NR6A1: variants seen among roughly 807,000 people sequenced by gnomAD.
NR6A1 encodes nuclear receptor subfamily 6 group A member 1, also known as retinoic acid receptor-related testis-associated receptor.
Under a neutral mutation model 59.1 loss-of-function variants are expected in NR6A1, and 7 were observed. The observed-to-expected ratio is 0.12, with a 90% confidence interval of 0.07 to 0.22. NR6A1 has a LOEUF of 0.22. NR6A1 is among the 10% of genes least tolerant of loss of function. NR6A1 has a pLI of 1.00. For missense variants in NR6A1, 468 were observed against 611.6 expected, an observed-to-expected ratio of 0.77 and a Z score of 2.48; for synonymous variants, 243 against 236.1, an observed-to-expected ratio of 1.03 and a Z score of -0.27.
At position 124,621,784 on chromosome 9, in the gene NR6A1, G is replaced by A. The variant is rs537850465; in HGVS notation, c.143-67214C>T. Among the ~76,000 whole-genome samples, 3 of 152,276 alleles carry A rather than the reference G, an allele frequency of 2.0e-5. No individual in the cohort carries two copies. In the East Asian group the frequency reaches 5.8e-4, roughly 29 times the overall value. On this transcript the variant is annotated intron_variant, in intron 2 of 9. Coordinates refer to ENST00000487099, the MANE Select transcript of NR6A1 (RefSeq NM_033334.4). Reference sequence around the variant, plus strand: ...TTTCATTTTGTACAGAAAAACTGAAGAGAAATGACAAGAGATAAAACCTAA... The same window carrying A: ...TTTCATTTTGTACAGAAAAACTGAAAAGAAATGACAAGAGATAAAACCTAA...
intron 2 of NR6A1, among the ~76,000 whole-genome samples, chr9:124,706,443 A>C (rs529033141): frequency 4.5e-4 from 69 of 152,310 alleles, no homozygotes; most frequent in South Asian, 2.5e-3. Context: ...ACTCACAATA[A>C]ATTCTGTCTT....
chr9:124,545,792 T>A (rs1007654698), intron 3 of NR6A1, among the ~76,000 whole-genome samples: 1 of 152,236 alleles, frequency 6.6e-6, no homozygotes, highest in African/African-American at 2.4e-5. Context: ...CTTAAAGATT[T>A]ACATCTTGCC....
chr9:124,538,027 C>T (rs926845119), intron 6 of NR6A1, 65 bp downstream of exon 6: 18 of 1,364,422 alleles, frequency 1.3e-5, no homozygotes, highest in East Asian at 2.3e-5. Context: ...GCCAGGGACG[C>T]GAGTGGGTGT....
chr9:124,698,685 T>C (rs1011841162), intron 2 of NR6A1: 8 of 152,186 alleles, frequency 5.3e-5, no homozygotes, highest in African/African-American at 1.7e-4. Flanking sequence ...CTAGCACAAT[T>C]ATATTTATAA....
At chr9:124,612,395 C>T (rs1835774143) in intron 2 of NR6A1, among the ~76,000 whole-genome samples, 1 of 152,188 alleles carries the variant, frequency 6.6e-6, no homozygotes, top group African/African-American at 2.4e-5. Context: ...AGTTCCAGGA[C>T]TGAGAGGAGA....
At chr9:124,573,877 T>G (rs990023357) in intron 2 of NR6A1, among the ~76,000 whole-genome samples, 2 of 152,192 alleles carry the variant, frequency 1.3e-5, no homozygotes, top group Admixed American at 6.5e-5. Context: ...GATAAAACTT[T>G]GGAAGCAAAT....
intron 2 of NR6A1, among the ~76,000 whole-genome samples, chr9:124,615,519 T>C (rs1158721701): frequency 6.6e-6 from 1 of 152,180 alleles, no homozygotes; most frequent in Admixed American, 6.5e-5. Context: ...AGCAACACAA[T>C]ATTTATTTCA....
intron 2 of NR6A1, among the ~76,000 whole-genome samples, chr9:124,592,927 A>G (rs1037840484): frequency 3.9e-5 from 6 of 152,236 alleles, no homozygotes; most frequent in Non-Finnish European, 8.8e-5. Context: ...TACCTAATGA[A>G]TTAATGCCTT....
intron 6 of NR6A1, among the ~76,000 whole-genome samples, chr9:124,537,315 G>A (rs557062522): frequency 3.3e-5 from 5 of 152,210 alleles, no homozygotes; most frequent in East Asian, 1.9e-4. Context: ...TCTGGAACTC[G>A]TGACCTGGTG....
At chr9:124,578,904 C>A (rs983364613) in intron 2 of NR6A1, among the ~76,000 whole-genome samples, 1 of 152,178 alleles carries the variant, frequency 6.6e-6, no homozygotes, top group African/African-American at 2.4e-5. Flanking sequence ...CAATTTATAT[C>A]TAGGGAGAGG....
At chr9:124,682,744 T>C (rs1564235069) in intron 2 of NR6A1, among the ~76,000 whole-genome samples, 1 of 152,222 alleles carries the variant, frequency 6.6e-6, no homozygotes, top group African/African-American at 2.4e-5. Context: ...TTTTTATGAA[T>C]GTAAGGGGGT....
At chr9:124,670,981 A>T (rs530454541) in intron 2 of NR6A1, among the ~76,000 whole-genome samples, 2 of 152,342 alleles carry the variant, frequency 1.3e-5, no homozygotes, top group East Asian at 3.9e-4. Context: ...AACATAAGTG[A>T]ATTTTGAGGA....
chr9:124,565,648 C>T (rs1834219002), intron 2 of NR6A1, among the ~76,000 whole-genome samples: 1 of 151,986 alleles, frequency 6.6e-6, no homozygotes, highest in Non-Finnish European at 1.5e-5. Context: ...AAAGGCAACC[C>T]AGTAGAAAAA....
rs1452802060 is a variant in NR6A1 at position 124,524,915 on chromosome 9, G to T, written c.1202-42C>A. ...AACACACACACACATACAGGGAATG[G>T]GATGGGCATTCTAATGTGGAAGAAA... On this transcript the variant is annotated intron_variant, in intron 8 of 9. Transcript: ENST00000487099. 3 of 1,553,834 alleles carry T rather than the reference G, an allele frequency of 1.9e-6. No individual in the cohort carries two copies. The South Asian group carries it at 3.7e-5, about 19-fold the overall frequency.
intron 2 of NR6A1, among the ~76,000 whole-genome samples, chr9:124,715,789 G>A (rs1016611606): frequency 1.3e-5 from 2 of 152,164 alleles, no homozygotes; most frequent in Admixed American, 6.5e-5. Context: ...ACTTCTATCT[G>A]ATTTCAAGAT....
At chr9:124,658,050 T>C (rs1251720421) in intron 2 of NR6A1, among the ~76,000 whole-genome samples, 1 of 152,182 alleles carries the variant, frequency 6.6e-6, no homozygotes, top group Non-Finnish European at 1.5e-5. Flanking sequence ...TGGTTTCAGT[T>C]AGAGCCAAGT....
At chr9:124,599,083 G>A in intron 2 of NR6A1, 2 of 716,600 alleles carry the variant, frequency 2.8e-6, no homozygotes, top group East Asian at 2.6e-5. Context: ...CGTCACCAGT[G>A]CCTCGCTCGT....
chr9:124,626,512 G>A (rs568716134), intron 2 of NR6A1, among the ~76,000 whole-genome samples: 1 of 152,314 alleles, frequency 6.6e-6, no homozygotes, highest in South Asian at 2.1e-4. Context: ...AAATATCAGA[G>A]ATAAATTAAA....
chr9:124,523,904 T>A (rs1832860558), intron 9 of NR6A1, among the ~76,000 whole-genome samples: 1 of 152,206 alleles, frequency 6.6e-6, no homozygotes, highest in South Asian at 2.1e-4. Context: ...ATTTCTGAGC[T>A]GCCCCTCAGT....
Sources: gnomAD v4.1 joint callset for allele counts (sites outside exome capture counted in the v4.1 genomes callset) on GRCh38, gnomAD v4.1.1 for gene constraint, MANE v1.5 for transcripts, NCBI Gene and HGNC (gene_info 2026-07-23, HGNC 2026-07-21) for gene names.